Variants in UNC5C observed in about 807,000 individuals in gnomAD.
UNC5C encodes unc-5 netrin receptor C.
A neutral mutation model predicts 99.8 loss-of-function variants in UNC5C; 47 were observed. The ratio of observed to expected loss-of-function variants is 0.47; its 90% CI spans 0.37 to 0.60. UNC5C has a LOEUF of 0.60. UNC5C is among the 20% of genes least tolerant of loss of function. The pLI is 0.00. For missense variants in UNC5C, 1,062 were observed against 1,165.9 expected, an observed-to-expected ratio of 0.91 and a Z score of 1.30; for synonymous variants, 487 against 452.2, an observed-to-expected ratio of 1.08 and a Z score of -0.98.
rs372489770 is a variant in UNC5C at position 95,276,058 on chromosome 4, G to T, written c.594+2201C>A. Among the ~76,000 whole-genome samples the T allele has an allele frequency of 5.9e-5, 9 of 152,276 alleles. No individual in the cohort carries two copies. In the South Asian group the frequency reaches 1.9e-3, roughly 32 times the overall value. ...TTAAATAATGAATGCATTTATATTA[G>T]AAGGAAAATGGTCGTATAATCCTTT... On this transcript the variant is annotated intron_variant, in intron 4 of 15. Transcript: ENST00000453304.
At chr4:95,407,348 A>C (rs1322135961) in intron 1 of UNC5C, among the ~76,000 whole-genome samples, 1 of 152,126 alleles carries the variant, frequency 6.6e-6, no homozygotes, top group Non-Finnish European at 1.5e-5. Context: ...GGAGTAAAAC[A>C]TACAATGGGA....
chr4:95,312,094 A>C (rs1400780473), intron 2 of UNC5C, among the ~76,000 whole-genome samples: 1 of 150,908 alleles, frequency 6.6e-6, no homozygotes, highest in East Asian at 1.9e-4. Context: ...AAACAAAAAA[A>C]ACCCCAAAAC....
intron 3 of UNC5C, 73 bp downstream of exon 3, chr4:95,301,533 T>C (rs1056526734): frequency 6.9e-6 from 11 of 1,593,266 alleles, no homozygotes; most frequent in Non-Finnish European, 9.4e-6. Flanking sequence ...GGTGCTGGAG[T>C]AGTCACAGTG....
chr4:95,233,595 T>C (rs1738993132), intron 7 of UNC5C, among the ~76,000 whole-genome samples: 1 of 152,202 alleles, frequency 6.6e-6, no homozygotes, highest in Admixed American at 6.5e-5. Context: ...ATTCATATTA[T>C]ATGCTATCCA....
At chr4:95,400,758 C>G (rs1745669103) in intron 1 of UNC5C, among the ~76,000 whole-genome samples, 1 of 152,336 alleles carries the variant, frequency 6.6e-6, no homozygotes, top group Middle Eastern at 3.4e-3. Context: ...CAGTCCCCAA[C>G]TCCACCCTGG....
chr4:95,520,343 A>T (rs1722318706), intron 1 of UNC5C, among the ~76,000 whole-genome samples: 1 of 152,108 alleles, frequency 6.6e-6, no homozygotes, highest in Non-Finnish European at 1.5e-5. Context: ...ACACTTAAAC[A>T]TTTTTCATTT....
At chr4:95,366,858 A>G (rs766348886) in intron 1 of UNC5C, among the ~76,000 whole-genome samples, 4 of 152,206 alleles carry the variant, frequency 2.6e-5, no homozygotes, top group African/African-American at 7.2e-5. Flanking sequence ...AATTTATACC[A>G]AAACTTTTCT....
chr4:95,255,024 C>T (rs1389265675), intron 4 of UNC5C, among the ~76,000 whole-genome samples: 1 of 151,728 alleles, frequency 6.6e-6, no homozygotes, highest in Non-Finnish European at 1.5e-5. Flanking sequence ...AAAGTCTCAC[C>T]GTGTGCAGTG....
intron 3 of UNC5C, among the ~76,000 whole-genome samples, chr4:95,280,687 T>TCAACAA (rs58348747): frequency 1.9e-4 from 28 of 150,998 alleles, no homozygotes; most frequent in East Asian, 1.4e-3. Context: ...AGACCCCATC[T>TCAACAA]CAACAACAAC....
chr4:95,452,751 A>G (rs1747314240), intron 1 of UNC5C, among the ~76,000 whole-genome samples: 1 of 152,176 alleles, frequency 6.6e-6, no homozygotes, highest in Non-Finnish European at 1.5e-5. Flanking sequence ...GCACATGAGC[A>G]TTGAGGTTTA....
intron 14 of UNC5C, among the ~76,000 whole-genome samples, chr4:95,176,762 G>T (rs1736368863): frequency 1.3e-5 from 2 of 152,234 alleles, no homozygotes; most frequent in Admixed American, 1.3e-4. Context: ...AGCTGTGGTG[G>T]GCTCCACCCA....
intron 1 of UNC5C, among the ~76,000 whole-genome samples, chr4:95,450,097 C>T (rs1416049957): frequency 6.6e-6 from 1 of 152,202 alleles, no homozygotes; most frequent in East Asian, 1.9e-4. Flanking sequence ...CTGTTTCTAT[C>T]TATACATCAT....
intron 1 of UNC5C, among the ~76,000 whole-genome samples, chr4:95,507,208 A>G (rs980294457): frequency 1.3e-5 from 2 of 152,014 alleles, no homozygotes; most frequent in African/African-American, 2.4e-5. Flanking sequence ...TCTTTAATAT[A>G]ATATCATACC....
Position 95,334,194 on chromosome 4 carries a change from G to A in UNC5C, c.346+1216C>T, listed in dbSNP as rs115941306. Reference sequence around the variant, plus strand: ...CTCATAGTCTGTTCTATTTCTTTATGTTCTGTCACATCAATATGCTATTTA... The same window carrying A: ...CTCATAGTCTGTTCTATTTCTTTATATTCTGTCACATCAATATGCTATTTA... On this transcript the variant is annotated intron_variant, in intron 2 of 15. Coordinates refer to ENST00000453304, the MANE Select transcript of UNC5C (RefSeq NM_003728.4). Among the ~76,000 whole-genome samples the A allele has an allele frequency of 7.5e-3, 1,145 of 152,020 alleles. 14 individuals carry two copies. The highest frequency in any genetic ancestry group is 0.026 in the African/African-American group (1,099 of 41,518).
Position 95,396,867 on chromosome 4 carries a change from C to G in UNC5C, c.125-61236G>C, listed in dbSNP as rs551985048. Among the ~76,000 whole-genome samples, 4 of 152,268 alleles carry G rather than the reference C, an allele frequency of 2.6e-5. No homozygotes were observed. In the East Asian group the frequency reaches 7.7e-4, roughly 29 times the overall value. On this transcript the variant is annotated intron_variant, in intron 1 of 15. Transcript: ENST00000453304. ...TTAGTTTGCATTTAGCTTATTTAATCTTCATGAATGCTTTATGAAGTAGGT... is the reference window on the plus strand; with the variant it reads ...TTAGTTTGCATTTAGCTTATTTAATGTTCATGAATGCTTTATGAAGTAGGT...
At chr4:95,384,696 T>A (rs1219970369) in intron 1 of UNC5C, among the ~76,000 whole-genome samples, 1 of 152,076 alleles carries the variant, frequency 6.6e-6, no homozygotes, top group Non-Finnish European at 1.5e-5. Flanking sequence ...TGAAAATGAC[T>A]ATGCTGTAGG....
chr4:95,170,038 A>C, intron 15 of UNC5C, 116 bp downstream of exon 15: 20 of 1,389,264 alleles, frequency 1.4e-5, no homozygotes, highest in Non-Finnish European at 2.0e-5. Flanking sequence ...GCAAAATGAA[A>C]AATTAAATAG....
At chr4:95,310,384 A>G (rs1399350240) in intron 2 of UNC5C, among the ~76,000 whole-genome samples, 1 of 151,852 alleles carries the variant, frequency 6.6e-6, no homozygotes, top group African/African-American at 2.4e-5. Context: ...TGATGAACAC[A>G]GTTGATGGTA....
chr4:95,204,635 G>A (rs1370785923), intron 11 of UNC5C, among the ~76,000 whole-genome samples: 1 of 152,232 alleles, frequency 6.6e-6, no homozygotes, highest in Non-Finnish European at 1.5e-5. Flanking sequence ...ATCCACGCGT[G>A]AGCATGAGTC....
Sources: allele counts gnomAD v4.1 joint callset (sites outside exome capture counted in the v4.1 genomes callset), GRCh38; gene constraint gnomAD v4.1.1; transcripts MANE v1.5; gene names NCBI Gene and HGNC (gene_info 2026-07-23, HGNC 2026-07-21).